Variants in PDGFD observed in about 807,000 individuals in gnomAD.
PDGFD encodes the protein platelet-derived growth factor D.
PDGFD carries 30 observed loss-of-function variants against 44.7 expected under a neutral mutation model. The ratio of observed to expected loss-of-function variants is 0.67; its 90% CI spans 0.50 to 0.91. PDGFD has a LOEUF of 0.91. PDGFD is among the 40% of genes least tolerant of loss of function. The probability of loss-of-function intolerance (pLI) is 0.00; values close to 1 mark genes in which losing one functional copy is unlikely to be tolerated. For missense variants in PDGFD, 445 were observed against 457.8 expected (o/e 0.97, Z 0.25); for synonymous variants, 173 against 168.4 (o/e 1.03, Z -0.21).
intron 1 of PDGFD, among the ~76,000 whole-genome samples, chr11:104,161,329 CAAGAAT>C (rs1862384361): frequency 6.6e-6 from 1 of 152,122 alleles, no homozygotes; most frequent in African/African-American, 2.4e-5. Context: ...GTCAAATGAG[CAAGAAT>C]ATTGTCGTCT....
chr11:104,163,864 A>T lies in PDGFD; in HGVS notation c.64T>A (p.Ser22Thr). 7.6e-6 allele frequency: 12 copies of T among 1,580,632 alleles called. No individual in the cohort carries two copies. Among genetic ancestry groups the T allele is most frequent in the Non-Finnish European group, 1.0e-5 (12 of 1,155,296 alleles). The change falls in exon 1 of 7, where the codon TCT becomes ACT. Residue 22 changes from serine (S) to threonine (T), a missense_variant. Coordinates refer to ENST00000393158, the MANE Select transcript of PDGFD (RefSeq NM_025208.5). ...CANFCSCRDT[S>T]ATPQSASIKA... Reference sequence around the variant, plus strand: ...ATGGATGCGCTCTGCGGGGTTGCAGAAGTGTCCCGACAGCTGCAAAAGTTT... The same window carrying T: ...ATGGATGCGCTCTGCGGGGTTGCAGTAGTGTCCCGACAGCTGCAAAAGTTT...
chr11:104,019,045 C>T (rs1859908871), intron 1 of PDGFD, among the ~76,000 whole-genome samples: 1 of 152,178 alleles, frequency 6.6e-6, no homozygotes, highest in Non-Finnish European at 1.5e-5. Flanking sequence ...TATCTCCTCA[C>T]CAGGAAAACT....
chr11:104,086,395 T>TC (rs1398142904), intron 1 of PDGFD, among the ~76,000 whole-genome samples: 1 of 152,200 alleles, frequency 6.6e-6, no homozygotes, highest in African/African-American at 2.4e-5. Context: ...AAGTTTTTTT[T>TC]CCCCAGCTTC....
At chr11:104,145,078 T>C (rs574463929) in intron 1 of PDGFD, among the ~76,000 whole-genome samples, 176 of 152,330 alleles carry the variant, frequency 1.2e-3, no homozygotes, top group Non-Finnish European at 2.0e-3. Context: ...ACATTTACTT[T>C]ATAATAAGTG....
At chr11:103,995,561 C>A (rs1260336709) in intron 3 of PDGFD, among the ~76,000 whole-genome samples, 1 of 152,164 alleles carries the variant, frequency 6.6e-6, no homozygotes, top group Non-Finnish European at 1.5e-5. Context: ...TTTGATTTTG[C>A]AGATGCTTAT....
chr11:104,036,452 AT>A (rs761688305), intron 1 of PDGFD: 19 of 224,864 alleles, frequency 8.4e-5, no homozygotes, highest in Non-Finnish European at 1.5e-4. Flanking sequence ...TCAAAAAAAA[AT>A]GTGTTGAAAT....
chr11:103,956,208 C>G (rs1299117646), intron 3 of PDGFD, among the ~76,000 whole-genome samples: 2 of 151,238 alleles, frequency 1.3e-5, no homozygotes, highest in African/African-American at 4.9e-5. Context: ...GCTATCCCTC[C>G]CCTCTCCCCC....
chr11:103,993,139 C>T (rs1351799053), intron 3 of PDGFD, among the ~76,000 whole-genome samples: 5 of 152,180 alleles, frequency 3.3e-5, no homozygotes, highest in African/African-American at 7.2e-5. Context: ...GGCATCACTG[C>T]TCACTGCAGC....
intron 1 of PDGFD, among the ~76,000 whole-genome samples, chr11:104,001,844 T>A (rs1859624541): frequency 6.6e-6 from 1 of 152,200 alleles, no homozygotes; most frequent in Non-Finnish European, 1.5e-5. Flanking sequence ...AGGGTGGCTG[T>A]TAGAGCTTCC....
intron 5 of PDGFD, 51 bp downstream of exon 5, chr11:103,943,401 T>G: frequency 6.6e-7 from 1 of 1,525,590 alleles, no homozygotes; most frequent in Non-Finnish European, 9.0e-7. Flanking sequence ...CAGCTTGTAC[T>G]GTTAAGATTT....
At chr11:104,150,226 G>T (rs1862222397) in intron 1 of PDGFD, among the ~76,000 whole-genome samples, 1 of 152,064 alleles carries the variant, frequency 6.6e-6, no homozygotes, top group Non-Finnish European at 1.5e-5. Flanking sequence ...AATGAAATAG[G>T]ACACTGCCCT....
intron 1 of PDGFD, among the ~76,000 whole-genome samples, chr11:104,136,637 A>G (rs1862008922): frequency 6.6e-6 from 1 of 152,214 alleles, no homozygotes; most frequent in Non-Finnish European, 1.5e-5. Flanking sequence ...TTTATAAATT[A>G]CAACATCAAT....
chr11:104,084,066 A>T (rs1035193324), intron 1 of PDGFD, among the ~76,000 whole-genome samples: 1 of 152,200 alleles, frequency 6.6e-6, no homozygotes, highest in African/African-American at 2.4e-5. Context: ...GAGGAACAAT[A>T]TGTACGGATT....
At chr11:103,947,836 C>A (rs1200719479) in intron 3 of PDGFD, 112 bp from the exon 4 acceptor site, 2 of 789,786 alleles carry the variant, frequency 2.5e-6, no homozygotes, top group Non-Finnish European at 4.4e-6. Flanking sequence ...TGACAACAGA[C>A]ATAGGGCTAT....
At chr11:104,120,046 G>C (rs1027626343) in intron 1 of PDGFD, among the ~76,000 whole-genome samples, 18 of 146,204 alleles carry the variant, frequency 1.2e-4, no homozygotes, top group African/African-American at 4.3e-4. Flanking sequence ...CTGAGAACTG[G>C]AACATATATA....
chr11:104,070,090 T>C (rs531876133), intron 1 of PDGFD, among the ~76,000 whole-genome samples: 1 of 152,220 alleles, frequency 6.6e-6, no homozygotes, highest in East Asian at 1.9e-4. Context: ...CCTTGCAATA[T>C]GGAACACATA....
chr11:103,940,889 T>C (rs1487054840), intron 5 of PDGFD, among the ~76,000 whole-genome samples: 4 of 152,136 alleles, frequency 2.6e-5, no homozygotes, highest in Non-Finnish European at 5.9e-5. Flanking sequence ...GTATGTCACC[T>C]TGAATGCTCT....
At chr11:104,117,681 A>G (rs11226180) in intron 1 of PDGFD, among the ~76,000 whole-genome samples, 19,805 of 151,828 alleles carry the variant, frequency 0.13, 1,411 homozygotes, top group East Asian at 0.29. Flanking sequence ...AACCAAGGAG[A>G]TGAAAGACCT....
intron 1 of PDGFD, among the ~76,000 whole-genome samples, chr11:104,060,658 T>C (rs1162311850): frequency 2.6e-5 from 4 of 152,188 alleles, no homozygotes; most frequent in Non-Finnish European, 4.4e-5. Flanking sequence ...AAATGCTTGA[T>C]ATCTTTTTAC....
Sources: gnomAD v4.1 joint callset for allele counts (sites outside exome capture counted in the v4.1 genomes callset) on GRCh38, gnomAD v4.1.1 for gene constraint, MANE v1.5 for transcripts, NCBI Gene and HGNC (gene_info 2026-07-23, HGNC 2026-07-21) for gene names.